ADAM9: variants seen among roughly 807,000 people sequenced by gnomAD.
ADAM9 encodes disintegrin and metalloproteinase domain-containing protein 9.
A neutral mutation model predicts 108.1 loss-of-function variants in ADAM9; 54 were observed. The ratio of observed to expected loss-of-function variants is 0.50; its 90% CI spans 0.40 to 0.63. The LOEUF (loss-of-function observed/expected upper bound fraction) is 0.63, where lower values mean the gene tolerates loss of function less well. Among genes scored for constraint, ADAM9 ranks in the 20% least tolerant of loss-of-function variants. The pLI is 0.00. For missense variants in ADAM9, 830 were observed against 997.7 expected (o/e 0.83, Z 2.26); for synonymous variants, 316 against 336.0 (o/e 0.94, Z 0.65).
intron 16 of ADAM9, 55 bp from the exon 17 acceptor site, chr8:39,082,585 CT>C (rs1001087241): frequency 1.4e-6 from 2 of 1,444,396 alleles, no homozygotes; most frequent in African/African-American, 1.4e-5. Flanking sequence ...TTTCTGGGTA[CT>C]TTTTAATGAC....
chr8:39,054,352 T>A (rs891256688), intron 12 of ADAM9, 129 bp from the exon 13 acceptor site: 10 of 793,334 alleles, frequency 1.3e-5, no homozygotes, highest in Non-Finnish European at 2.1e-5. Context: ...AGTAAGCAAC[T>A]GTTTCTGGAG....
At chr8:39,085,836 A>G (rs1316223320) in intron 18 of ADAM9, among the ~76,000 whole-genome samples, 1 of 151,640 alleles carries the variant, frequency 6.6e-6, no homozygotes, top group Non-Finnish European at 1.5e-5. Context: ...GTGCTTTTAT[A>G]GTTTTCTTCA....
At chr8:39,011,332 G>A (rs985345742) in intron 2 of ADAM9, among the ~76,000 whole-genome samples, 11 of 152,146 alleles carry the variant, frequency 7.2e-5, no homozygotes, top group Admixed American at 2.0e-4. Context: ...TTAGACAAAA[G>A]CAGGAACTAT....
intron 2 of ADAM9, among the ~76,000 whole-genome samples, 160 bp downstream of exon 2, chr8:39,008,143 A>C (rs1215195062): frequency 1.3e-5 from 2 of 151,984 alleles, no homozygotes; most frequent in Non-Finnish European, 2.9e-5. Flanking sequence ...ATGTTATGCT[A>C]GTAAAAGCAA....
intron 14 of ADAM9, among the ~76,000 whole-genome samples, chr8:39,061,551 C>A (rs192825342): frequency 6.6e-6 from 1 of 152,324 alleles, no homozygotes; most frequent in East Asian, 1.9e-4. Context: ...CTGATCAATT[C>A]TGTCTCAGTC....
At chr8:39,101,810 A>G (rs1163007794) in intron 20 of ADAM9, 53 bp from the exon 21 acceptor site, 2 of 1,361,552 alleles carry the variant, frequency 1.5e-6, no homozygotes, top group African/African-American at 1.5e-5. Context: ...CTATTTAGAA[A>G]TCATATTTAT....
In ADAM9 at chr8:39,091,785, C is replaced by T. The variant is rs368065820; in HGVS notation, c.2298+439C>T. Among the ~76,000 whole-genome samples the T allele has an allele frequency of 1.3e-4, 20 of 152,280 alleles. No individual in the cohort carries two copies. In the East Asian group the frequency reaches 3.1e-3, roughly 23 times the overall value. On this transcript the variant is annotated intron_variant, in intron 20 of 21. Transcript: ENST00000487273. Reference sequence around the variant, plus strand: ...TACAGGTATGAGCCACTGTGCCCTGCCCCCTGAGTTCTTTAAAGGAAAACC... The same window carrying T: ...TACAGGTATGAGCCACTGTGCCCTGTCCCCTGAGTTCTTTAAAGGAAAACC...
chr8:39,095,634 C>T (rs941710648), intron 20 of ADAM9, among the ~76,000 whole-genome samples: 1 of 152,144 alleles, frequency 6.6e-6, no homozygotes, highest in African/African-American at 2.4e-5. Flanking sequence ...TCTATTAGAT[C>T]TGTTTTGTTT....
rs1838494386 is a variant in ADAM9, at chr8:39,066,827, A to G, written c.1592-4471A>G. 2.0e-5 allele frequency among the ~76,000 whole-genome samples: 3 copies of G among 152,300 alleles called. No homozygotes were observed. In the South Asian group the frequency reaches 6.2e-4, roughly 32 times the overall value. On this transcript the variant is annotated intron_variant, in intron 14 of 21. Transcript: ENST00000487273. ...TGTTTTAGACATGAAGTCCTTGCCC[A>G]TGCCTATGTCCTGAATGGTATTGCC...
intron 12 of ADAM9, among the ~76,000 whole-genome samples, chr8:39,050,560 T>C (rs758540454): frequency 6.6e-6 from 1 of 152,150 alleles, no homozygotes; most frequent in African/African-American, 2.4e-5. Context: ...GTTGCATTTT[T>C]CCATTAAGTT....
At chr8:39,094,332 T>C (rs1165535653) in intron 20 of ADAM9, among the ~76,000 whole-genome samples, 1 of 152,234 alleles carries the variant, frequency 6.6e-6, no homozygotes, top group South Asian at 2.1e-4. Context: ...TGCTAGTATT[T>C]TGTTGAAGAT....
chr8:39,044,884 GTATA>G (rs199768809), intron 12 of ADAM9, among the ~76,000 whole-genome samples: 9 of 135,288 alleles, frequency 6.7e-5, no homozygotes, highest in African/African-American at 2.7e-4. Flanking sequence ...ACATATATAT[GTATA>G]TATATGTGTG....
At chr8:39,094,012 T>C (rs948848027) in intron 20 of ADAM9, among the ~76,000 whole-genome samples, 5 of 152,220 alleles carry the variant, frequency 3.3e-5, no homozygotes, top group African/African-American at 1.2e-4. Flanking sequence ...CCTCAGGTGA[T>C]CCACCTGCCT....
chr8:39,083,093 A>G lies in ADAM9; in HGVS notation c.2068+20A>G. ...ACAATGGCAAGTAATATAGAAGAAA[A>G]TTAGTGTGATCTCCCAGTGGCCCAA... On this transcript the variant is annotated intron_variant, in intron 18 of 21. Transcript: ENST00000487273. The G allele has an allele frequency of 1.2e-6, 2 of 1,600,412 alleles. No individual in the cohort carries two copies. Among genetic ancestry groups the G allele is most frequent in the Non-Finnish European group, 1.7e-6 (2 of 1,168,210 alleles).
At chr8:39,023,362 A>C in intron 9 of ADAM9, 37 bp downstream of exon 9, 2 of 1,555,220 alleles carry the variant, frequency 1.3e-6, no homozygotes, top group Non-Finnish European at 1.7e-6. Flanking sequence ...TAATGAAATA[A>C]TCAAAATAAT....
At chr8:39,069,657 G>A (rs1416174583) in intron 14 of ADAM9, among the ~76,000 whole-genome samples, 5 of 152,050 alleles carry the variant, frequency 3.3e-5, no homozygotes, top group South Asian at 2.1e-4. Flanking sequence ...CTCATCCACC[G>A]TGAGCATGGT....
chr8:39,021,647 A>T lies in ADAM9; in HGVS notation c.677A>T (p.Asp226Val), dbSNP rs1287255470. 2 of 1,613,744 alleles carry T rather than the reference A, an allele frequency of 1.2e-6. No homozygotes were observed. The highest frequency in any genetic ancestry group is 3.3e-5 in the Admixed American group (2 of 60,016). ...LFIVVDKERY[D>V]MMGRNQTAVR... ...TCTCCTTCTTTGCTTTTCCAGTATG[A>T]CATGATGGGAAGAAATCAGACTGCT... Residue 226 changes from aspartate to valine, a missense_variant, in exon 8 of 22, where the codon GAC becomes GTC. By Grantham distance (152) the Asp-to-Val change is radical. Transcript: ENST00000487273.
In ADAM9 at chr8:39,012,875, A is replaced by G. The variant is rs186588040; in HGVS notation, c.255-1090A>G. On this transcript the variant is annotated intron_variant, in intron 3 of 21. Transcript: ENST00000487273. The stretch of plus-strand genomic sequence containing the variant: ...ATGAGTTAATGGGTGCAGCACACCA[A>G]CTTGGCACATGTATACATATGTAAC... Among the ~76,000 whole-genome samples, 1,090 of 152,272 alleles carry G rather than the reference A, an allele frequency of 7.2e-3. 19 individuals carry two copies. The highest frequency in any genetic ancestry group is 0.025 in the African/African-American group (1,034 of 41,550).
At chr8:39,099,204 C>T (rs1480235204) in intron 20 of ADAM9, among the ~76,000 whole-genome samples, 1 of 152,154 alleles carries the variant, frequency 6.6e-6, no homozygotes, top group Non-Finnish European at 1.5e-5. Flanking sequence ...TTCCATCCAG[C>T]TCAGGCCCCA....
Sources: allele counts gnomAD v4.1 joint callset (sites outside exome capture counted in the v4.1 genomes callset), GRCh38; gene constraint gnomAD v4.1.1; transcripts MANE v1.5; gene names NCBI Gene and HGNC (gene_info 2026-07-23, HGNC 2026-07-21).